The following LIN28B variants were observed in gnomAD, a reference collection of about 807,000 sequenced individuals.
LIN28B encodes lin-28 RNA binding posttranscriptional regulator B.
LIN28B carries 5 observed loss-of-function variants against 21.9 expected under a neutral mutation model. The observed-to-expected ratio is 0.23, with a 90% confidence interval of 0.12 to 0.48. The LOEUF (loss-of-function observed/expected upper bound fraction) is 0.48, where lower values mean the gene tolerates loss of function less well. Ranked by LOEUF, LIN28B falls within the 20% of genes least tolerant of loss-of-function variation. The pLI, the probability that LIN28B is intolerant of heterozygous loss-of-function variation, is 0.98. For synonymous variants in LIN28B, 109 were observed against 111.3 expected (o/e 0.98, Z 0.13); for missense variants, 245 against 310.5 (o/e 0.79, Z 1.58).
intron 2 of LIN28B, among the ~76,000 whole-genome samples, chr6:105,008,727 G>C (rs1054435339): frequency 6.6e-6 from 1 of 151,306 alleles, no homozygotes; most frequent in African/African-American, 2.4e-5. Context: ...TTCTTATTTT[G>C]TGTATTGTCT....
rs144173546 is a variant in LIN28B, at chr6:104,938,076, A to T, written c.18+960A>T. Among the ~76,000 whole-genome samples, 567 of 139,800 alleles carry T rather than the reference A, an allele frequency of 4.1e-3. 4 individuals carry two copies. Among genetic ancestry groups the T allele is most frequent in the Non-Finnish European group, 7.6e-3 (481 of 63,458 alleles). 91.7% of individuals were successfully genotyped at this position (139,800 alleles called of 152,430 possible). The stretch of plus-strand genomic sequence containing the variant: ...AAAAAAAAAAAAAAAAAAAAAAAAA[A>T]AATTAGGCAGAAAAAAACCAAAAAA... On this transcript the variant is annotated intron_variant, in intron 2 of 5. Coordinates refer to the LIN28B transcript ENST00000635857.
chr6:104,958,535 C>T (rs999459574), intron 2 of LIN28B, among the ~76,000 whole-genome samples: 1 of 152,040 alleles, frequency 6.6e-6, no homozygotes, highest in African/African-American at 2.4e-5. Flanking sequence ...TAGCATTTCC[C>T]CCTGCTTCAT....
In LIN28B at chr6:104,958,115, T is replaced by A. The variant is rs1252682670; in HGVS notation, c.27T>A (p.Gly9=). 9 of 1,592,732 alleles carry A rather than the reference T, an allele frequency of 5.7e-6. No individual in the cohort carries two copies. The highest frequency in any genetic ancestry group is 7.7e-6 in the Non-Finnish European group (9 of 1,165,908). The change falls in exon 2 of 4, where the codon GGT becomes GGA. Residue 9 remains glycine, a synonymous_variant. Transcript: ENST00000345080. The stretch of plus-strand genomic sequence containing the variant: ...CCTTCTCAGGCGGGGCTAGCAAAGG[T>A]GGTGGAGAAGAGCCCGGGAAGCTGC... MAEGGASK[G]GGEEPGKLPE...
chr6:104,957,005 C>G (rs1270130067), upstream of LIN28B: 1 of 1,190,512 alleles, frequency 8.4e-7, no homozygotes, highest in East Asian at 2.9e-5. Context: ...CTCTTGCCAG[C>G]CCCTTAAGGA....
chr6:105,038,696 G>A (rs1771574075), intron 3 of LIN28B, among the ~76,000 whole-genome samples: 1 of 152,138 alleles, frequency 6.6e-6, no homozygotes. Flanking sequence ...CAAAGTTAGA[G>A]TGGGAAAAGA....
upstream of LIN28B, among the ~76,000 whole-genome samples, chr6:104,956,610 T>C (rs1301215737): frequency 2.0e-5 from 3 of 152,214 alleles, no homozygotes; most frequent in African/African-American, 7.2e-5. Flanking sequence ...AATTAGATCT[T>C]TTATAAATTA....
intron 3 of LIN28B, among the ~76,000 whole-genome samples, chr6:105,061,962 T>C (rs1344350121): frequency 6.6e-6 from 1 of 152,140 alleles, no homozygotes; most frequent in Non-Finnish European, 1.5e-5. Context: ...CATTTTCTTT[T>C]CCAAGCCAGC....
intron 2 of LIN28B, among the ~76,000 whole-genome samples, chr6:104,984,265 GTGTGTA>G (rs551481564): frequency 5.7e-3 from 864 of 152,268 alleles, no homozygotes; most frequent in Non-Finnish European, 8.0e-3. Context: ...AGGAATAATT[GTGTGTA>G]TGTGTTACAC....
intron 3 of LIN28B, among the ~76,000 whole-genome samples, chr6:105,070,364 T>G (rs1262721099): frequency 6.6e-6 from 1 of 152,136 alleles, no homozygotes; most frequent in African/African-American, 2.4e-5. Flanking sequence ...GTTTTATAAT[T>G]ATAATTGCTC....
rs1160875157 is a variant in LIN28B at position 105,082,721 on chromosome 6, T to C, written c.*3938T>C. 3.3e-5 allele frequency: 5 copies of C among 152,594 alleles called. No homozygotes were observed. Among genetic ancestry groups the C allele is most frequent in the African/African-American group, 9.7e-5 (4 of 41,446 alleles). 9.5% of individuals were successfully genotyped at this position (152,594 alleles called of 1,614,324 possible). A position where few individuals can be genotyped will look rare whatever the true frequency, so the allele number is the denominator to read the frequency against. The stretch of plus-strand genomic sequence containing the variant: ...CTGTGTCTTAATTGTTCAGTTAGAG[T>C]GAGAAGTTGACCTATGATTCATTTT... On this transcript the variant is annotated 3_prime_UTR_variant, in exon 4 of 4. Transcript: ENST00000345080.
intron 2 of LIN28B, among the ~76,000 whole-genome samples, chr6:104,938,754 T>C (rs1391859915): frequency 6.6e-6 from 1 of 152,210 alleles, no homozygotes; most frequent in Non-Finnish European, 1.5e-5. Context: ...ACATACTCCT[T>C]AATGCTTAGC....
chr6:104,949,760 G>C (rs1284764538), intron 2 of LIN28B, among the ~76,000 whole-genome samples: 1 of 152,082 alleles, frequency 6.6e-6, no homozygotes, highest in Admixed American at 6.5e-5. Flanking sequence ...CTTGATTACT[G>C]TGTGGCCTCT....
intron 3 of LIN28B, among the ~76,000 whole-genome samples, chr6:105,029,018 G>T (rs1180043815): frequency 1.3e-5 from 2 of 152,146 alleles, no homozygotes; most frequent in Non-Finnish European, 2.9e-5. Context: ...TGGTGCTGAT[G>T]GTGAAATGAT....
In LIN28B at chr6:104,958,146, C is replaced by G. The variant is rs574094487; in HGVS notation, c.58C>G (p.Pro20Ala). 10 of 1,605,714 alleles carry G rather than the reference C, an allele frequency of 6.2e-6. No individual in the cohort carries two copies. The highest frequency in any genetic ancestry group is 1.3e-5 in the African/African-American group (1 of 74,766). The change falls in exon 2 of 4, where the codon CCG becomes GCG. Residue 20 changes from proline to alanine, a missense_variant. Physicochemically the swap from Pro to Ala is conservative, Grantham distance 27. Transcript: ENST00000345080. ...AGAAGAGCCCGGGAAGCTGCCGGAG[C>G]CGGCAGAGGAGGAATCCCAGGTTTT... ...GGEEPGKLPEPAEEESQVLRG... is the reference protein window; with the variant it reads ...GGEEPGKLPEAAEEESQVLRG...
At chr6:104,982,228 C>T (rs921700065) in intron 2 of LIN28B, among the ~76,000 whole-genome samples, 4 of 151,544 alleles carry the variant, frequency 2.6e-5, no homozygotes, top group African/African-American at 4.9e-5. Flanking sequence ...GCAGGAGAAT[C>T]GCTTGAACCA....
chr6:104,987,301 G>A (rs1171315494), intron 2 of LIN28B, among the ~76,000 whole-genome samples: 1 of 151,254 alleles, frequency 6.6e-6, no homozygotes, highest in Non-Finnish European at 1.5e-5. Context: ...TTTTAATATC[G>A]CCCTTGCATC....
intron 3 of LIN28B, among the ~76,000 whole-genome samples, chr6:105,051,567 AT>A (rs1484418459): frequency 6.6e-6 from 1 of 151,994 alleles, no homozygotes; most frequent in Non-Finnish European, 1.5e-5. Flanking sequence ...TAAATCTGCA[AT>A]AGAAAGACGT....
At position 104,957,151 on chromosome 6, in the gene LIN28B, T is replaced by A. The variant is rs1778301114; in HGVS notation, c.-100T>A. Reference sequence around the variant, plus strand: ...TAGACCATGCGAGCTAAATTTGTGATCGCACAAAATCAAGATGTTAGATTG... The same window carrying A: ...TAGACCATGCGAGCTAAATTTGTGAACGCACAAAATCAAGATGTTAGATTG... On this transcript the variant is annotated 5_prime_UTR_variant, in exon 1 of 4. Coordinates refer to ENST00000345080, the MANE Select transcript of LIN28B (RefSeq NM_001004317.4). The A allele has an allele frequency of 1.9e-6, 3 of 1,611,852 alleles. No homozygotes were observed. Among genetic ancestry groups the A allele is most frequent in the Non-Finnish European group, 2.5e-6 (3 of 1,178,952 alleles).
At chr6:104,988,090 C>A (rs1770385200) in intron 2 of LIN28B, among the ~76,000 whole-genome samples, 1 of 152,124 alleles carries the variant, frequency 6.6e-6, no homozygotes, top group East Asian at 1.9e-4. Flanking sequence ...GATTCACTAG[C>A]TTGTTGACTA....
Sources: gnomAD v4.1 joint callset for allele counts (sites outside exome capture counted in the v4.1 genomes callset) on GRCh38, gnomAD v4.1.1 for gene constraint, MANE v1.5 for transcripts, NCBI Gene and HGNC (gene_info 2026-07-23, HGNC 2026-07-21) for gene names.